Variants in ADPRHL1 observed in about 807,000 individuals in gnomAD.
ADPRHL1 encodes the protein inactive ADP-ribosyltransferase ARH2.
In ADPRHL1, 43 loss-of-function variants were observed where a neutral mutation model predicts 44.1. That is an observed-to-expected ratio of 0.98 (90% confidence interval 0.76 to 1.26). The LOEUF is 1.26. Among genes scored for constraint, ADPRHL1 ranks in the 50% most tolerant of loss-of-function variants. ADPRHL1 has a pLI of 0.00. For synonymous variants in ADPRHL1, 878 were observed against 1,017.4 expected, an observed-to-expected ratio of 0.86 and a Z score of 2.61; for missense variants, 2,022 against 2,496.9, an observed-to-expected ratio of 0.81 and a Z score of 4.05.
rs1056156454 is a variant in ADPRHL1 at position 113,427,322 on chromosome 13, A to C, written c.646+1630T>G. ...ATGCCTGACTGCTCACCTGTTTCTA[A>C]GGTGGGTCAGGGCGACTCTCCTGGG... On this transcript the variant is annotated intron_variant, in intron 4 of 7. Coordinates refer to ENST00000612156, the MANE Select transcript of ADPRHL1 (RefSeq NM_001394807.1). 2.6e-5 allele frequency among the ~76,000 whole-genome samples: 4 copies of C among 152,178 alleles called. No individual in the cohort carries two copies. The South Asian group carries it at 8.3e-4, about 32-fold the overall frequency.
intron 7 of ADPRHL1, 64 bp downstream of exon 7, chr13:113,422,762 A>T (rs945661576): frequency 6.3e-6 from 10 of 1,591,520 alleles, no homozygotes; most frequent in African/African-American, 1.4e-5. Flanking sequence ...GGGCTGCGAG[A>T]GGGCCCTACG....
chr13:113,440,493 T>C (rs1222698450), intron 2 of ADPRHL1, among the ~76,000 whole-genome samples: 1 of 151,676 alleles, frequency 6.6e-6, no homozygotes, highest in Non-Finnish European at 1.5e-5. Context: ...TCTCACTCTG[T>C]GGCCTAGGCT....
intron 1 of ADPRHL1, among the ~76,000 whole-genome samples, chr13:113,448,457 C>A (rs1335813962): frequency 9.6e-6 from 1 of 104,680 alleles, no homozygotes; most frequent in Non-Finnish European, 1.8e-5. Flanking sequence ...AAGAGTGAGA[C>A]TATGTCCCAA....
chr13:113,418,312 G>T (rs2043897256), intron 7 of ADPRHL1, among the ~76,000 whole-genome samples: 1 of 152,194 alleles, frequency 6.6e-6, no homozygotes, highest in East Asian at 1.9e-4. Context: ...TAGGGAGCCT[G>T]CAGCAGCATG....
intron 7 of ADPRHL1, chr13:113,410,110 T>G: frequency 1.0e-6 from 1 of 985,280 alleles, no homozygotes; most frequent in Non-Finnish European, 1.2e-6. Flanking sequence ...CGTGTTGCCG[T>G]GGGCACGCGA....
In ADPRHL1 at chr13:113,400,939, T is replaced by C. The variant is rs2043756592; in HGVS notation, c.*2439A>G. On this transcript the variant is annotated 3_prime_UTR_variant, in exon 8 of 8. Coordinates refer to ENST00000612156, the MANE Select transcript of ADPRHL1 (RefSeq NM_001394807.1). ...TAAAATAAAACCACTCAATGCCTTCTCCAGTGTACTCTCTGGTCTATTTAA... is the reference window on the plus strand; with the variant it reads ...TAAAATAAAACCACTCAATGCCTTCCCCAGTGTACTCTCTGGTCTATTTAA... 6.6e-6 allele frequency: 1 copy of C among 152,224 alleles called. No individual in the cohort carries two copies. 9.4% of individuals were successfully genotyped at this position (152,224 alleles called of 1,614,324 possible).
At chr13:113,434,383 C>A (rs1441735485) in intron 2 of ADPRHL1, among the ~76,000 whole-genome samples, 1 of 148,038 alleles carries the variant, frequency 6.8e-6, no homozygotes, top group Non-Finnish European at 1.5e-5. Flanking sequence ...ACCCTGGGAC[C>A]CAGCACCCAG....
chr13:113,399,742 A>G lies in ADPRHL1; in HGVS notation c.*3636T>C, dbSNP rs1479326744. ...TAACCCATTTTAGGGTTGTTTATAT[A>G]CAAAGAAGAATATGAACAAGAACAA... On this transcript the variant is annotated 3_prime_UTR_variant, in exon 8 of 8. Transcript: ENST00000612156. The G allele has an allele frequency of 1.3e-5, 2 of 152,080 alleles. 1 individual carries two copies. Among genetic ancestry groups the G allele is most frequent in the African/African-American group, 4.8e-5 (2 of 41,426 alleles). 9.4% of individuals were successfully genotyped at this position (152,080 alleles called of 1,614,324 possible).
intron 7 of ADPRHL1, among the ~76,000 whole-genome samples, chr13:113,415,339 G>C (rs1279934940): frequency 6.6e-6 from 1 of 152,234 alleles, no homozygotes; most frequent in Non-Finnish European, 1.5e-5. Flanking sequence ...CATTGAATAA[G>C]TGGCCTCCAT....
chr13:113,405,653 C>T lies in ADPRHL1; in HGVS notation c.3629G>A (p.Arg1210His), dbSNP rs2043802971. 3 of 1,232,692 alleles carry T rather than the reference C, an allele frequency of 2.4e-6. No individual in the cohort carries two copies. The highest frequency in any genetic ancestry group is 4.1e-5 in the South Asian group (1 of 24,348). 76.4% of individuals were successfully genotyped at this position (1,232,692 alleles called of 1,614,324 possible). A position where few individuals can be genotyped will look rare whatever the true frequency, so the allele number is the denominator to read the frequency against. ...QHPEDIATLARHPEDAAALAR... is the reference protein window; with the variant it reads ...QHPEDIATLAHHPEDAAALAR... ...GAGGGCCGCAGCATCCTCCGGGTGG[C>T]GGGCGAGGGTCGCAATGTCCTCTGG... Residue 1210 changes from arginine to histidine, a missense_variant, in exon 8 of 8, where the codon CGC (arginine) becomes CAC (histidine). Physicochemically the swap from Arg to His is conservative, Grantham distance 29. Around this residue, in one of 8 missense-constraint regions of ADPRHL1, gnomAD observed 1,221 missense variants for 1,517.8 expected, o/e 0.80. Coordinates refer to ENST00000612156, the MANE Select transcript of ADPRHL1 (RefSeq NM_001394807.1).
chr13:113,437,884 T>A (rs2044072647), intron 2 of ADPRHL1, among the ~76,000 whole-genome samples: 1 of 152,154 alleles, frequency 6.6e-6, no homozygotes, highest in Non-Finnish European at 1.5e-5. Context: ...CAGGCTGGAG[T>A]GCAGCAGCCT....
chr13:113,425,108 CTT>C lies in ADPRHL1; in HGVS notation c.716_717del (p.Lys239ArgfsTer5). On this transcript the variant is annotated frameshift_variant, in exon 5 of 8. Coordinates refer to ENST00000612156, the MANE Select transcript of ADPRHL1 (RefSeq NM_001394807.1). LOFTEE classifies it high-confidence loss of function. The part of the protein sequence containing the change: ...QFYLEERKIS[K>X]DSENKAIFPD... ...GGGAAGATGGCTTTATTTTCTGAGTCTTTACTGATTTTCCTCTCCTCCAAATA... is the reference window on the plus strand; with the variant it reads ...GGGAAGATGGCTTTATTTTCTGAGTCTACTGATTTTCCTCTCCTCCAAATA... The C allele has an allele frequency of 1.2e-6, 2 of 1,613,602 alleles. No homozygotes were observed. The highest frequency in any genetic ancestry group is 1.7e-6 in the Non-Finnish European group (2 of 1,179,944).
chr13:113,412,499 A>G (rs2043859773), intron 7 of ADPRHL1, among the ~76,000 whole-genome samples: 1 of 152,164 alleles, frequency 6.6e-6, no homozygotes, highest in South Asian at 2.1e-4. Context: ...ATTTTCTAAG[A>G]TCCGAGTGCA....
At position 113,403,115 on chromosome 13, in the gene ADPRHL1, CAAAG is replaced by C. The variant is rs35118505; in HGVS notation, c.*259_*262del. Reference sequence around the variant, plus strand: ...GAGCCGGCGCCCCCGAGTGAAGACACAAAGAATCCCGAGGGCCTGGTGAGGCCAC... The same window carrying C: ...GAGCCGGCGCCCCCGAGTGAAGACACAATCCCGAGGGCCTGGTGAGGCCAC... On this transcript the variant is annotated 3_prime_UTR_variant, in exon 8 of 8. Coordinates refer to ENST00000612156, the MANE Select transcript of ADPRHL1 (RefSeq NM_001394807.1). 172,640 of 318,490 alleles carry C rather than the reference CAAAG, an allele frequency of 0.54. 49,163 individuals carry two copies. Among genetic ancestry groups the C allele is most frequent in the African/African-American group, 0.63 (29,168 of 46,472 alleles). The allele number at this position is 318,490 out of a possible 1,614,324, so 19.7% of individuals were successfully genotyped here.
intron 7 of ADPRHL1, among the ~76,000 whole-genome samples, chr13:113,419,100 T>TCCCTCCC (rs1343969951): frequency 1.8e-4 from 1 of 5,480 alleles, no homozygotes. Context: ...CCTCCCTCCC[T>TCCCTCCC]TTCTTTTTTC....
At chr13:113,432,900 T>C (rs1286843722) in intron 3 of ADPRHL1, among the ~76,000 whole-genome samples, 4 of 152,176 alleles carry the variant, frequency 2.6e-5, no homozygotes, top group South Asian at 2.1e-4. Context: ...TTTTTTTAAA[T>C]GGAAGCCAAC....
At chr13:113,449,975 A>G (rs1405261846) in intron 1 of ADPRHL1, among the ~76,000 whole-genome samples, 1 of 152,174 alleles carries the variant, frequency 6.6e-6, no homozygotes, top group Non-Finnish European at 1.5e-5. Context: ...CTCCTGTAAG[A>G]TTGTGATAAA....
intron 7 of ADPRHL1, among the ~76,000 whole-genome samples, chr13:113,415,335 A>G (rs192539082): frequency 6.6e-6 from 1 of 152,354 alleles, no homozygotes; most frequent in East Asian, 1.9e-4. Context: ...AAGGCATTGA[A>G]TAAGTGGCCT....
intron 7 of ADPRHL1, among the ~76,000 whole-genome samples, chr13:113,417,176 G>C (rs895698441): frequency 2.6e-5 from 4 of 152,222 alleles, no homozygotes; most frequent in Non-Finnish European, 5.9e-5. Context: ...AGGGCCCCGG[G>C]GACTCTGTGC....
Sources: gnomAD v4.1 joint callset for allele counts (sites outside exome capture counted in the v4.1 genomes callset) on GRCh38, gnomAD v4.1.1 for gene constraint, gnomAD v4.1.1 regional missense constraint, MANE v1.5 for transcripts, NCBI Gene and HGNC (gene_info 2026-07-23, HGNC 2026-07-21) for gene names.